Variants in CLEC16A observed in about 807,000 individuals in gnomAD.
CLEC16A encodes the protein protein CLEC16A.
A neutral mutation model predicts 109.5 loss-of-function variants in CLEC16A; 51 were observed. The observed-to-expected ratio is 0.47, with a 90% CI of 0.37 to 0.59. The LOEUF (loss-of-function observed/expected upper bound fraction) is 0.59. CLEC16A is among the 20% of genes least tolerant of loss of function. The probability of loss-of-function intolerance (pLI) is 0.00; values close to 1 mark genes in which losing one functional copy is unlikely to be tolerated. For synonymous variants in CLEC16A, 673 were observed against 564.2 expected (o/e 1.19, Z -2.73); for missense variants, 1,339 against 1,394.0 (o/e 0.96, Z 0.63).
At chr16:10,986,811 A>T (rs2043694736) in intron 10 of CLEC16A, among the ~76,000 whole-genome samples, 1 of 149,192 alleles carries the variant, frequency 6.7e-6, no homozygotes, top group Non-Finnish European at 1.5e-5. Context: ...CCATTTATCC[A>T]TCATTATGCA....
At position 11,051,655 on chromosome 16, in the gene CLEC16A, G is replaced by A. The variant is rs903154953; in HGVS notation, c.1995+14G>A. ...AAGACCCGGCGGGTGAGTGAGCACAGGACCTGTCATCTCCTGGGCCACTGT... is the reference window on the plus strand; with the variant it reads ...AAGACCCGGCGGGTGAGTGAGCACAAGACCTGTCATCTCCTGGGCCACTGT... On this transcript the variant is annotated intron_variant, in intron 18 of 23. Coordinates refer to ENST00000409790, the MANE Select transcript of CLEC16A (RefSeq NM_015226.3). 1 of 1,611,562 alleles carries A rather than the reference G, an allele frequency of 6.2e-7. No individual in the cohort carries two copies. The highest frequency in any genetic ancestry group is 1.7e-4 in the Middle Eastern group (1 of 6,040).
chr16:11,035,872 A>G (rs1355819742), intron 13 of CLEC16A, among the ~76,000 whole-genome samples: 1 of 152,198 alleles, frequency 6.6e-6, no homozygotes, highest in East Asian at 1.9e-4. Flanking sequence ...AACACTGGAT[A>G]GTTGGAGTCA....
In CLEC16A at chr16:11,143,144, G is replaced by T. The variant is rs2053914604; in HGVS notation, c.2641+16998G>T. On this transcript the variant is annotated intron_variant, in intron 22 of 23. Coordinates refer to ENST00000409790, the MANE Select transcript of CLEC16A (RefSeq NM_015226.3). ...TAAACATTTATTGAGCACCTACTGT[G>T]TGCCACGCCCTGTGCTTGGGGTTGG... Among the ~76,000 whole-genome samples, 8 of 152,314 alleles carry T rather than the reference G, an allele frequency of 5.3e-5. No individual in the cohort carries two copies. The South Asian group carries it at 1.5e-3, about 28-fold the overall frequency.
chr16:10,980,433 G>T lies in CLEC16A; in HGVS notation c.957+1051G>T, dbSNP rs2043257647. 2.0e-5 allele frequency among the ~76,000 whole-genome samples: 3 copies of T among 151,874 alleles called. No individual in the cohort carries two copies. The South Asian group carries it at 6.2e-4, about 32-fold the overall frequency. ...AAGTCTGCCGGCATCTCCTGCTTGA[G>T]ATTCTGAGAGTCCAACAGGACCCAA... is the stretch of plus-strand genomic sequence containing the variant. On this transcript the variant is annotated intron_variant, in intron 9 of 23. Transcript: ENST00000409790.
At chr16:11,121,879 CAAAAAAAAAAA>C (rs536067685) in intron 20 of CLEC16A, among the ~76,000 whole-genome samples, 356 of 29,836 alleles carry the variant, frequency 0.012, no homozygotes, top group Middle Eastern at 0.031. Flanking sequence ...GACCCTGTCT[CAAAAAAAAAAA>C]AAAAAAAAAA....
At chr16:11,129,515 A>C (rs886286991) in intron 22 of CLEC16A, among the ~76,000 whole-genome samples, 105 of 152,338 alleles carry the variant, frequency 6.9e-4, no homozygotes, top group Middle Eastern at 3.4e-3. Flanking sequence ...ATATGAACAT[A>C]AAAGAAAAAT....
chr16:11,126,055 C>G lies in CLEC16A; in HGVS notation c.2550C>G (p.His850Gln). The G allele has an allele frequency of 1.9e-6, 3 of 1,613,986 alleles. No homozygotes were observed. The highest frequency in any genetic ancestry group is 2.5e-6 in the Non-Finnish European group (3 of 1,179,882). ...TCGGCTCCTCCACCTCCACTCAGCA[C>G]CTGCCTTTCCGCTTCTACGACCAGG... ...FGLGSSTSTQ[H>Q]LPFRFYDQGR... Residue 850 changes from histidine (H) to glutamine (Q), a missense_variant, in exon 22 of 24, where the codon CAC becomes CAG. By Grantham distance (24) the His-to-Gln change is conservative (BLOSUM62 0). Transcript: ENST00000409790.
chr16:11,020,052 G>C (rs994126393), intron 11 of CLEC16A, 141 bp from the exon 12 acceptor site: 10 of 877,418 alleles, frequency 1.1e-5, no homozygotes, highest in Non-Finnish European at 1.6e-5. Flanking sequence ...TGTGTCTCTG[G>C]TGTTCAGGTC....
chr16:10,996,300 T>G (rs1438910016), intron 10 of CLEC16A, among the ~76,000 whole-genome samples: 2 of 152,328 alleles, frequency 1.3e-5, no homozygotes, highest in Middle Eastern at 3.4e-3. Flanking sequence ...CGGGGACCAC[T>G]GCCCTGACTT....
chr16:11,163,517 A>G (rs988444088), intron 22 of CLEC16A, among the ~76,000 whole-genome samples: 97 of 152,308 alleles, frequency 6.4e-4, no homozygotes, highest in African/African-American at 2.2e-3. Context: ...AACTCAGTAC[A>G]TGCAGATTTT....
chr16:11,021,688 C>T (rs1338712365), intron 12 of CLEC16A, among the ~76,000 whole-genome samples: 1 of 152,158 alleles, frequency 6.6e-6, no homozygotes, highest in Non-Finnish European at 1.5e-5. Flanking sequence ...GTCCCGGCTA[C>T]TTGAGAGGCT....
Position 11,123,957 on chromosome 16 carries a change from G to T in CLEC16A, c.2473+11G>T, listed in dbSNP as rs555682436. On this transcript the variant is annotated intron_variant, in intron 21 of 23. Coordinates refer to ENST00000409790, the MANE Select transcript of CLEC16A (RefSeq NM_015226.3). ...TGCAGAGAATAGCTGGTGAGTGGCT[G>T]GACCCTGGCAGGGCATCCTCTGAGC... 25 of 1,587,496 alleles carry T rather than the reference G, an allele frequency of 1.6e-5. No individual in the cohort carries two copies. The South Asian group carries it at 2.6e-4, about 17-fold the overall frequency.
chr16:11,113,012 C>T (rs561130261), intron 19 of CLEC16A, among the ~76,000 whole-genome samples: 212 of 152,346 alleles, frequency 1.4e-3, no homozygotes, highest in African/African-American at 5.0e-3. Flanking sequence ...AGCCTGGCCC[C>T]AGTAGGCACC....
rs190396451 is a variant in CLEC16A, at chr16:11,025,226, A to G, written c.1537+305A>G. ...TTTTCTTTTGACCCCTTGATTTACAACTGACTTAGCGTCTGACCTCTTTCC... is the reference window on the plus strand; with the variant it reads ...TTTTCTTTTGACCCCTTGATTTACAGCTGACTTAGCGTCTGACCTCTTTCC... On this transcript the variant is annotated intron_variant, in intron 13 of 23. Transcript: ENST00000409790. Among the ~76,000 whole-genome samples the G allele has an allele frequency of 3.3e-5, 5 of 152,272 alleles. No individual in the cohort carries two copies. The East Asian group carries it at 7.7e-4, about 23-fold the overall frequency.
chr16:11,032,827 G>C (rs1302647505), intron 13 of CLEC16A, among the ~76,000 whole-genome samples: 1 of 152,222 alleles, frequency 6.6e-6, no homozygotes, highest in African/African-American at 2.4e-5. Flanking sequence ...GGCGGGCAGG[G>C]GCCAGGTCAT....
chr16:11,114,141 G>A (rs1342687930), intron 19 of CLEC16A, among the ~76,000 whole-genome samples: 1 of 117,344 alleles, frequency 8.5e-6, no homozygotes, highest in Non-Finnish European at 1.9e-5. Context: ...GTGTGTGTGT[G>A]TGTGTGTGTG....
rs1031430350 is a variant in CLEC16A at position 11,006,516 on chromosome 16, C to T, written c.1303+3211C>T. Among the ~76,000 whole-genome samples, 27 of 152,230 alleles carry T rather than the reference C, an allele frequency of 1.8e-4. 1 individual carries two copies. In the South Asian group the frequency reaches 1.9e-3, roughly 11 times the overall value. On this transcript the variant is annotated intron_variant, in intron 11 of 23. Transcript: ENST00000409790. ...ATTGTCCCTAGATCCACGGACTTAT[C>T]GACAGATGGACATGGTGACTCTTAA...
At chr16:11,016,794 A>T (rs923261266) in intron 11 of CLEC16A, among the ~76,000 whole-genome samples, 2 of 152,088 alleles carry the variant, frequency 1.3e-5, no homozygotes, top group African/African-American at 4.8e-5. Flanking sequence ...TTTTCTTCCA[A>T]TGCACAATGA....
At chr16:10,987,761 T>C (rs1349224272) in intron 10 of CLEC16A, among the ~76,000 whole-genome samples, 1 of 152,234 alleles carries the variant, frequency 6.6e-6, no homozygotes, top group Non-Finnish European at 1.5e-5. Context: ...AGACTCCTAT[T>C]GTTTCCTGCC....
Sources: allele counts gnomAD v4.1 joint callset (sites outside exome capture counted in the v4.1 genomes callset), GRCh38; gene constraint gnomAD v4.1.1; transcripts MANE v1.5; gene names NCBI Gene and HGNC (gene_info 2026-07-23, HGNC 2026-07-21).